Variants in DLGAP2 observed in about 807,000 individuals in gnomAD.
DLGAP2 encodes disks large-associated protein 2.
In DLGAP2, 26 loss-of-function variants were observed where a neutral mutation model predicts 100.3. The observed-to-expected ratio is 0.26, with a 90% CI of 0.19 to 0.36. The LOEUF is 0.36. Among genes scored for constraint, DLGAP2 ranks in the 10% least tolerant of loss-of-function variants. DLGAP2 has a pLI of 1.00. For missense variants in DLGAP2, 1,858 were observed against 1,453.2 expected (o/e 1.28, Z -4.53); for synonymous variants, 886 against 630.1 (o/e 1.41, Z -6.08).
At chr8:1,201,747 T>G (rs774096500) in intron 2 of DLGAP2, among the ~76,000 whole-genome samples, 1 of 152,198 alleles carries the variant, frequency 6.6e-6, no homozygotes, top group African/African-American at 2.4e-5. Flanking sequence ...GAGGGGCTTG[T>G]GTGCTGTGCC....
rs548116640 is a variant in DLGAP2 at position 1,373,500 on chromosome 8, G to A, written c.106+114617G>A. Among the ~76,000 whole-genome samples, 7 of 152,320 alleles carry A rather than the reference G, an allele frequency of 4.6e-5. 1 individual carries two copies. In the South Asian group the frequency reaches 1.2e-3, roughly 27 times the overall value. ...ATCAGGTTTGTGTTTCTGTGGACAC[G>A]TCTGCCCACAAAGAGGGCAGTGGGC... On this transcript the variant is annotated intron_variant, in intron 3 of 14. Coordinates refer to ENST00000637795, the MANE Select transcript of DLGAP2 (RefSeq NM_001346810.2).
chr8:1,504,621 G>A (rs981625556), intron 4 of DLGAP2, among the ~76,000 whole-genome samples: 8 of 152,130 alleles, frequency 5.3e-5, no homozygotes, highest in African/African-American at 1.2e-4. Context: ...CAGATTCCAC[G>A]TGTAAGTGAG....
chr8:1,187,689 G>A (rs185160289), intron 2 of DLGAP2, among the ~76,000 whole-genome samples: 49 of 126,766 alleles, frequency 3.9e-4, no homozygotes, highest in Non-Finnish European at 5.5e-4. Flanking sequence ...TCCCTCACAC[G>A]CCCAGGACCT....
At position 1,473,966 on chromosome 8, in the gene DLGAP2, A is replaced by G. The variant is rs111992664; in HGVS notation, c.107-27400A>G. ...ATTACCCAGTCTTGTATATGTCTTC[A>G]TCAGCAGCATGAAAACAGACTAATA... On this transcript the variant is annotated intron_variant, in intron 3 of 14. Transcript: ENST00000637795. Among the ~76,000 whole-genome samples the G allele has an allele frequency of 2.9e-3, 449 of 152,252 alleles. 2 individuals carry two copies. Among genetic ancestry groups the G allele is most frequent in the African/African-American group, 0.01 (427 of 41,558 alleles).
intron 3 of DLGAP2, among the ~76,000 whole-genome samples, chr8:1,409,816 C>A (rs1452610644): frequency 2.6e-5 from 4 of 152,194 alleles, no homozygotes. Flanking sequence ...CACCAGAGCC[C>A]CAGGGCCTTC....
intron 2 of DLGAP2, among the ~76,000 whole-genome samples, chr8:1,123,686 T>TC (rs1343824923): frequency 6.6e-6 from 1 of 152,168 alleles, no homozygotes; most frequent in Non-Finnish European, 1.5e-5. Flanking sequence ...TCTCTTTTTT[T>TC]CTCTATGTAC....
At chr8:893,592 C>T (rs768115241) in intron 1 of DLGAP2, among the ~76,000 whole-genome samples, 17 of 152,188 alleles carry the variant, frequency 1.1e-4, no homozygotes, top group Non-Finnish European at 2.1e-4. Context: ...GCCCTGGGGC[C>T]GCCCCTCAGC....
At chr8:1,201,068 A>G (rs1797862304) in intron 2 of DLGAP2, among the ~76,000 whole-genome samples, 1 of 152,124 alleles carries the variant, frequency 6.6e-6, no homozygotes, top group South Asian at 2.1e-4. Flanking sequence ...GCGGGTGCCG[A>G]GATGCCCAGA....
At chr8:1,156,186 C>G (rs1216180156) in intron 2 of DLGAP2, among the ~76,000 whole-genome samples, 2 of 152,170 alleles carry the variant, frequency 1.3e-5, no homozygotes, top group African/African-American at 2.4e-5. Flanking sequence ...GGCTGCAGCT[C>G]TCAGACCCTC....
intron 3 of DLGAP2, among the ~76,000 whole-genome samples, chr8:1,359,360 G>T (rs1331126391): frequency 6.6e-6 from 1 of 152,266 alleles, no homozygotes; most frequent in Non-Finnish European, 1.5e-5. Flanking sequence ...CAGTTTAGGA[G>T]AAAGGAAATT....
At chr8:1,463,838 G>A (rs1050811913) in intron 3 of DLGAP2, among the ~76,000 whole-genome samples, 1 of 152,328 alleles carries the variant, frequency 6.6e-6, no homozygotes, top group Admixed American at 6.5e-5. Context: ...GGTGTGGTTT[G>A]AGCTGATTCA....
chr8:1,651,002 T>C (rs1798149033), intron 8 of DLGAP2, among the ~76,000 whole-genome samples: 1 of 152,182 alleles, frequency 6.6e-6, no homozygotes, highest in Non-Finnish European at 1.5e-5. Flanking sequence ...CTCCAGCATC[T>C]ACCACCAAGA....
At chr8:1,090,104 G>T (rs563569476) in intron 2 of DLGAP2, among the ~76,000 whole-genome samples, 65 of 144,888 alleles carry the variant, frequency 4.5e-4, no homozygotes, top group African/African-American at 1.7e-3. Context: ...AGACAGGGGT[G>T]GAAACTCACA....
chr8:1,278,868 C>G (rs1057103874), intron 3 of DLGAP2, among the ~76,000 whole-genome samples: 1 of 152,158 alleles, frequency 6.6e-6, no homozygotes, highest in Non-Finnish European at 1.5e-5. Flanking sequence ...ATGTGTACGA[C>G]TTTTTGGACA....
chr8:1,092,112 G>A (rs191742471), intron 2 of DLGAP2, among the ~76,000 whole-genome samples: 1 of 152,250 alleles, frequency 6.6e-6, no homozygotes, highest in East Asian at 1.9e-4. Flanking sequence ...TCATGGGAGC[G>A]GCCGGTGTCT....
intron 2 of DLGAP2, among the ~76,000 whole-genome samples, chr8:1,189,857 C>T (rs551162764): frequency 3.9e-5 from 6 of 152,194 alleles, no homozygotes; most frequent in South Asian, 4.1e-4. Context: ...AGGCAGGAGG[C>T]GGAGATTAAG....
At chr8:1,513,583 T>A (rs971178364) in intron 4 of DLGAP2, among the ~76,000 whole-genome samples, 5 of 152,198 alleles carry the variant, frequency 3.3e-5, no homozygotes, top group Non-Finnish European at 7.4e-5. Context: ...CCTGGAAAAT[T>A]GCAGCATTGA....
intron 2 of DLGAP2, among the ~76,000 whole-genome samples, chr8:1,202,954 C>T (rs1487218381): frequency 6.6e-6 from 1 of 152,198 alleles, no homozygotes; most frequent in Non-Finnish European, 1.5e-5. Flanking sequence ...TCCCGAGAAG[C>T]TGAGCGACAT....
chr8:1,084,631 GTCTT>G (rs1803915220), intron 2 of DLGAP2, among the ~76,000 whole-genome samples: 1 of 152,096 alleles, frequency 6.6e-6, no homozygotes, highest in African/African-American at 2.4e-5. Flanking sequence ...TTCAGTATTT[GTCTT>G]TCTGTGCCTG....
Sources: allele counts gnomAD v4.1 joint callset (sites outside exome capture counted in the v4.1 genomes callset), GRCh38; gene constraint gnomAD v4.1.1; transcripts MANE v1.5; gene names NCBI Gene and HGNC (gene_info 2026-07-23, HGNC 2026-07-21).